The following EYS variants were observed in gnomAD, a reference collection of about 807,000 sequenced individuals.
The protein encoded by EYS is EGF-like photoreceptor maintenance factor.
EYS carries 250 observed loss-of-function variants against 282.1 expected under a neutral mutation model. That is an observed-to-expected ratio of 0.89 (90% CI 0.80 to 0.98). The LOEUF is 0.98. Among genes scored for constraint, EYS ranks in the 50% least tolerant of loss-of-function variants. The pLI is 0.00. For missense variants in EYS, 4,016 were observed against 3,709.0 expected, an observed-to-expected ratio of 1.08 and a Z score of -2.15; for synonymous variants, 1,355 against 1,282.9, an observed-to-expected ratio of 1.06 and a Z score of -1.20.
At chr6:64,269,706 T>C (rs952766395) in intron 30 of EYS, among the ~76,000 whole-genome samples, 1 of 152,100 alleles carries the variant, frequency 6.6e-6, no homozygotes, top group Non-Finnish European at 1.5e-5. Context: ...TTGACACTAC[T>C]ATATTTCTTG....
chr6:64,825,605 C>A (rs148049671), intron 19 of EYS, among the ~76,000 whole-genome samples: 142 of 151,908 alleles, frequency 9.3e-4, no homozygotes, highest in African/African-American at 3.2e-3. Flanking sequence ...TTAGTCCTTG[C>A]GAAGGTGAGA....
At chr6:63,832,159 A>C (rs1771659037) in intron 36 of EYS, among the ~76,000 whole-genome samples, 1 of 152,224 alleles carries the variant, frequency 6.6e-6, no homozygotes, top group African/African-American at 2.4e-5. Context: ...TAAAAGAAAT[A>C]GAGAAGTAAG....
At chr6:63,845,612 G>A (rs962241631) in intron 36 of EYS, among the ~76,000 whole-genome samples, 3 of 152,188 alleles carry the variant, frequency 2.0e-5, no homozygotes, top group Admixed American at 6.5e-5. Flanking sequence ...AGCACATTTG[G>A]GATGTAATGA....
intron 35 of EYS, among the ~76,000 whole-genome samples, chr6:63,968,829 G>A (rs1766423774): frequency 6.6e-6 from 1 of 152,136 alleles, no homozygotes. Flanking sequence ...AAATTTCATT[G>A]GAATTTTTCC....
intron 2 of EYS, among the ~76,000 whole-genome samples, chr6:65,608,446 T>C (rs1765878931): frequency 6.6e-6 from 1 of 152,084 alleles, no homozygotes; most frequent in Admixed American, 6.6e-5. Flanking sequence ...CCTAGGATGT[T>C]ACACTATTGT....
intron 22 of EYS, among the ~76,000 whole-genome samples, chr6:64,666,712 T>C (rs1562122676): frequency 6.6e-6 from 1 of 152,220 alleles, no homozygotes; most frequent in Non-Finnish European, 1.5e-5. Flanking sequence ...ATCTATATTT[T>C]CAGTGGCCAC....
chr6:64,902,559 A>T (rs548797634), intron 16 of EYS, 59 bp from the exon 17 acceptor site: 1 of 1,010,970 alleles, frequency 9.9e-7, no homozygotes, highest in Admixed American at 3.4e-5. Context: ...TAAAAAAATC[A>T]GAATCAGTGG....
intron 11 of EYS, among the ~76,000 whole-genome samples, chr6:65,324,159 G>A (rs4032788): frequency 0.98 from 149,109 of 151,478 alleles, 73,420 homozygotes; most frequent in East Asian, 1. Flanking sequence ...CCCTTTCCCA[G>A]CTTTCTTTAT....
intron 5 of EYS, among the ~76,000 whole-genome samples, chr6:65,465,696 C>T (rs1378927435): frequency 1.3e-5 from 2 of 152,014 alleles, no homozygotes; most frequent in African/African-American, 2.4e-5. Flanking sequence ...CAAAATCAGG[C>T]CACGCATGGT....
chr6:64,596,312 G>A, intron 24 of EYS, among the ~76,000 whole-genome samples: 1 of 152,046 alleles, frequency 6.6e-6, no homozygotes, highest in East Asian at 1.9e-4. Flanking sequence ...CAGATTCAAA[G>A]AAATCTCTAT....
At chr6:63,814,342 A>G (rs2149682816) in intron 36 of EYS, among the ~76,000 whole-genome samples, 1 of 152,324 alleles carries the variant, frequency 6.6e-6, no homozygotes, top group East Asian at 1.9e-4. Context: ...AGACAGAGAT[A>G]CCCGGTACAT....
intron 2 of EYS, among the ~76,000 whole-genome samples, chr6:65,621,266 G>A (rs1045762118): frequency 7.9e-5 from 12 of 152,184 alleles, no homozygotes; most frequent in Non-Finnish European, 1.5e-5. Context: ...ATTTAGGACA[G>A]TTAGCTCTTC....
chr6:64,627,101 A>C (rs1767634267), intron 22 of EYS, among the ~76,000 whole-genome samples: 1 of 152,210 alleles, frequency 6.6e-6, no homozygotes, highest in African/African-American at 2.4e-5. Context: ...ATATTGATTA[A>C]AGTGCAATGT....
At chr6:65,014,422 T>C (rs1195265578) in intron 13 of EYS, among the ~76,000 whole-genome samples, 1 of 152,112 alleles carries the variant, frequency 6.6e-6, no homozygotes, top group Non-Finnish European at 1.5e-5. Flanking sequence ...AGAAAAGTAA[T>C]ACAGTCAAAT....
intron 12 of EYS, among the ~76,000 whole-genome samples, chr6:65,098,647 T>C (rs1038969576): frequency 2.0e-5 from 3 of 150,816 alleles, no homozygotes; most frequent in Non-Finnish European, 4.5e-5. Flanking sequence ...AAATACATTT[T>C]TAGGATTCTG....
intron 2 of EYS, among the ~76,000 whole-genome samples, chr6:65,582,406 G>C (rs534613047): frequency 1.7e-3 from 263 of 152,122 alleles, no homozygotes; most frequent in African/African-American, 5.9e-3. Flanking sequence ...TCAGTTTTAA[G>C]ATTGTCTAAC....
chr6:65,292,147 C>T (rs541267285), intron 12 of EYS, among the ~76,000 whole-genome samples: 57 of 151,510 alleles, frequency 3.8e-4, no homozygotes, highest in Non-Finnish European at 6.5e-4. Flanking sequence ...ATACAAGCAA[C>T]GGGCTTATAT....
chr6:63,747,940 A>G (rs544948860), intron 41 of EYS, among the ~76,000 whole-genome samples: 18 of 152,272 alleles, frequency 1.2e-4, no homozygotes, highest in Admixed American at 8.5e-4. Flanking sequence ...GGCATTTAGC[A>G]CATTTACATT....
chr6:63,776,850 C>T (rs1270081728), intron 40 of EYS, among the ~76,000 whole-genome samples: 1 of 151,974 alleles, frequency 6.6e-6, no homozygotes, highest in African/African-American at 2.4e-5. Flanking sequence ...ATAAAAAAAC[C>T]CCCAAAATAC....
Sources: allele counts gnomAD v4.1 joint callset (sites outside exome capture counted in the v4.1 genomes callset), GRCh38; gene constraint gnomAD v4.1.1; transcripts MANE v1.5; gene names NCBI Gene and HGNC (gene_info 2026-07-23, HGNC 2026-07-21).